ECE2: variants seen among roughly 807,000 people sequenced by gnomAD.
ECE2 encodes endothelin converting enzyme 2, also known as endothelin-converting enzyme 2.
A neutral mutation model predicts 100.6 loss-of-function variants in ECE2; 81 were observed. The ratio of observed to expected loss-of-function variants is 0.81; its 90% CI spans 0.67 to 0.97. The LOEUF (loss-of-function observed/expected upper bound fraction) is 0.97. ECE2 is among the 50% of genes least tolerant of loss of function. The probability of loss-of-function intolerance (pLI) is 0.00; values close to 1 mark genes in which losing one functional copy is unlikely to be tolerated. For synonymous variants in ECE2, 391 were observed against 391.5 expected (o/e 1.00, Z 0.02); for missense variants, 911 against 988.1 (o/e 0.92, Z 1.05).
intron 7 of ECE2, among the ~76,000 whole-genome samples, chr3:184,281,179 C>T (rs1720802543): frequency 6.6e-6 from 1 of 152,126 alleles, no homozygotes; most frequent in Non-Finnish European, 1.5e-5. Context: ...CTGAGCATCC[C>T]TTGGCCAGAC....
Position 184,292,465 on chromosome 3 carries a change from T to C in ECE2, c.*227T>C. Reference sequence around the variant, plus strand: ...GCCCCCACCATTCACTGTGACATCTTTCCGTGTCACCCTGCCTGGAAGAGG... The same window carrying C: ...GCCCCCACCATTCACTGTGACATCTCTCCGTGTCACCCTGCCTGGAAGAGG... On this transcript the variant is annotated 3_prime_UTR_variant, in exon 19 of 19. Transcript: ENST00000404464. The C allele has an allele frequency of 1.8e-6, 1 of 566,604 alleles. No homozygotes were observed. The highest frequency in any genetic ancestry group is 3.1e-6 in the Non-Finnish European group (1 of 318,698). The allele number at this position is 566,604 out of a possible 1,614,324, so 35.1% of individuals were successfully genotyped here. A position where few individuals can be genotyped will look rare whatever the true frequency, so the allele number is the denominator to read the frequency against.
At position 184,292,124 on chromosome 3, in the gene ECE2, C is replaced by A; in HGVS notation, c.2184C>A (p.Ser728Arg). 1 of 1,614,012 alleles carries A rather than the reference C, an allele frequency of 6.2e-7. No homozygotes were observed. Among genetic ancestry groups the A allele is most frequent in the Non-Finnish European group, 8.5e-7 (1 of 1,180,012 alleles). The change falls in exon 19 of 19, where the codon AGC (serine) becomes AGA (arginine). Residue 728 changes from serine (S) to arginine (R), a missense_variant. Physicochemically the swap from Ser to Arg is moderately radical, Grantham distance 110. Coordinates refer to ENST00000404464, the MANE Select transcript of ECE2 (RefSeq NM_001100121.2). ...AGGGGCTGGTGACCGACCCCCACAG[C>A]CCTGCCCGCTTCCGCGTGCTGGGCA... is the stretch of plus-strand genomic sequence containing the variant. The part of the protein sequence containing the change: ...SHEGLVTDPH[S>R]PARFRVLGTL...
At chr3:184,279,563 A>G (rs1350236998) in intron 7 of ECE2, among the ~76,000 whole-genome samples, 1 of 151,448 alleles carries the variant, frequency 6.6e-6, no homozygotes, top group Non-Finnish European at 1.5e-5. Context: ...GGCTGAGGCA[A>G]AGAGAATCGC....
Sources: allele counts gnomAD v4.1 joint callset (sites outside exome capture counted in the v4.1 genomes callset), GRCh38; gene constraint gnomAD v4.1.1; transcripts MANE v1.5; gene names NCBI Gene and HGNC (gene_info 2026-07-23, HGNC 2026-07-21).